The following SNTB1 variants were observed in gnomAD, a reference collection of about 807,000 sequenced individuals.
SNTB1 encodes the protein beta-1-syntrophin.
A neutral mutation model predicts 48.9 loss-of-function variants in SNTB1; 36 were observed. The ratio of observed to expected loss-of-function variants is 0.74; its 90% confidence interval spans 0.56 to 0.97. SNTB1 has a LOEUF of 0.97. Among genes scored for constraint, SNTB1 ranks in the 50% least tolerant of loss-of-function variants. The pLI is 0.00. For synonymous variants in SNTB1, 299 were observed against 294.6 expected, an observed-to-expected ratio of 1.01 and a Z score of -0.15; for missense variants, 786 against 703.4, an observed-to-expected ratio of 1.12 and a Z score of -1.33.
At position 120,700,795 on chromosome 8, in the gene SNTB1, T is replaced by C. The variant is rs116785442; in HGVS notation, c.572-6887A>G. Among the ~76,000 whole-genome samples, 1,217 of 152,344 alleles carry C rather than the reference T, an allele frequency of 8.0e-3. 16 individuals carry two copies. Among genetic ancestry groups the C allele is most frequent in the African/African-American group, 0.028 (1,178 of 41,564 alleles). The stretch of plus-strand genomic sequence containing the variant: ...AAAGAAAAAGCACACAGGCTACTAA[T>C]GAGGAAATGCTTTAGGCAAATCCAA... On this transcript the variant is annotated intron_variant, in intron 1 of 6. Coordinates refer to ENST00000517992, the MANE Select transcript of SNTB1 (RefSeq NM_021021.4).
At chr8:120,780,400 A>C (rs535040584) in intron 1 of SNTB1, among the ~76,000 whole-genome samples, 1 of 152,332 alleles carries the variant, frequency 6.6e-6, no homozygotes, top group African/African-American at 2.4e-5. Context: ...ATTCAACGTA[A>C]TCAGGACTTA....
intron 2 of SNTB1, among the ~76,000 whole-genome samples, chr8:120,671,194 A>G (rs1051369609): frequency 3.9e-5 from 6 of 151,972 alleles, no homozygotes; most frequent in Non-Finnish European, 7.4e-5. Context: ...CCATCTCCCT[A>G]TATAAGTCTT....
At chr8:120,684,653 GAAT>G (rs1190353098) in intron 2 of SNTB1, among the ~76,000 whole-genome samples, 1 of 149,674 alleles carries the variant, frequency 6.7e-6, no homozygotes, top group Non-Finnish European at 1.5e-5. Flanking sequence ...GGCAAAAATT[GAAT>G]TTTTTTTTTT....
chr8:120,638,620 T>C (rs538601199), intron 2 of SNTB1, among the ~76,000 whole-genome samples: 2 of 152,240 alleles, frequency 1.3e-5, no homozygotes, highest in African/African-American at 4.8e-5. Context: ...AGTGTTCTTA[T>C]TGTTCAATTC....
At chr8:120,734,948 A>G (rs1277087655) in intron 1 of SNTB1, among the ~76,000 whole-genome samples, 1 of 152,250 alleles carries the variant, frequency 6.6e-6, no homozygotes, top group Non-Finnish European at 1.5e-5. Flanking sequence ...TTTTCAAACC[A>G]GCCCATAAAA....
At chr8:120,606,446 C>T (rs747890057) in intron 3 of SNTB1, among the ~76,000 whole-genome samples, 11 of 151,092 alleles carry the variant, frequency 7.3e-5, no homozygotes, top group Non-Finnish European at 1.3e-4. Context: ...TATACACACA[C>T]TCCAAATCAT....
At chr8:120,708,831 A>G (rs772417765) in intron 1 of SNTB1, among the ~76,000 whole-genome samples, 82 of 152,312 alleles carry the variant, frequency 5.4e-4, no homozygotes, top group Middle Eastern at 3.4e-3. Flanking sequence ...AACTTCCTAA[A>G]GACTATCCAC....
intron 4 of SNTB1, among the ~76,000 whole-genome samples, chr8:120,550,592 TGA>T (rs1324369004): frequency 6.7e-6 from 1 of 150,028 alleles, no homozygotes; most frequent in Non-Finnish European, 1.5e-5. Flanking sequence ...TGAATCTCAT[TGA>T]GAGTAGAGTC....
chr8:120,714,226 A>C (rs1029715427), intron 1 of SNTB1, among the ~76,000 whole-genome samples: 1 of 152,152 alleles, frequency 6.6e-6, no homozygotes, highest in Non-Finnish European at 1.5e-5. Context: ...TTTGCCCACC[A>C]CAGAGACAGA....
intron 1 of SNTB1, among the ~76,000 whole-genome samples, chr8:120,736,323 G>A (rs1166054896): frequency 1.3e-5 from 2 of 152,170 alleles, no homozygotes; most frequent in East Asian, 3.9e-4. Flanking sequence ...GGTGAATCAT[G>A]GAAAATTGGA....
intron 1 of SNTB1, among the ~76,000 whole-genome samples, chr8:120,762,785 G>T (rs4130536): frequency 0.4 from 61,122 of 151,850 alleles, 15,713 homozygotes; most frequent in African/African-American, 0.74. Flanking sequence ...GTGTTTAGTA[G>T]ACAGTGTGCA....
intron 1 of SNTB1, among the ~76,000 whole-genome samples, chr8:120,780,084 T>TAAA (rs71571678): frequency 5.5e-4 from 74 of 135,338 alleles, no homozygotes; most frequent in African/African-American, 2.0e-3. Flanking sequence ...ATGATCTAGT[T>TAAA]AAAAAAAAAA....
chr8:120,597,378 G>A (rs2130714702), intron 3 of SNTB1, among the ~76,000 whole-genome samples: 1 of 152,318 alleles, frequency 6.6e-6, no homozygotes, highest in Non-Finnish European at 1.5e-5. Flanking sequence ...GCAGCTATAG[G>A]AAACTAGCAC....
At chr8:120,685,277 A>G (rs533411088) in intron 2 of SNTB1, among the ~76,000 whole-genome samples, 1 of 152,172 alleles carries the variant, frequency 6.6e-6, no homozygotes, top group South Asian at 2.1e-4. Context: ...ACATTGCCCT[A>G]GTGGGGGTTC....
chr8:120,615,302 A>G (rs1381605180), intron 3 of SNTB1, among the ~76,000 whole-genome samples: 2 of 152,186 alleles, frequency 1.3e-5, no homozygotes, highest in African/African-American at 4.8e-5. Flanking sequence ...GCCCATTAGT[A>G]TCAGAGCCAA....
Position 120,538,251 on chromosome 8 carries a change from C to T in SNTB1, c.*626G>A, listed in dbSNP as rs1815230427. On this transcript the variant is annotated 3_prime_UTR_variant, in exon 7 of 7. Coordinates refer to ENST00000517992, the MANE Select transcript of SNTB1 (RefSeq NM_021021.4). Reference sequence around the variant, plus strand: ...TATCTGATGCTTTATTTAATTCCTGCTCAGTATATGCTAATGGAGACACTT... The same window carrying T: ...TATCTGATGCTTTATTTAATTCCTGTTCAGTATATGCTAATGGAGACACTT... 4 of 173,730 alleles carry T rather than the reference C, an allele frequency of 2.3e-5. No homozygotes were observed. Among genetic ancestry groups the T allele is most frequent in the Admixed American group, 2.2e-4 (4 of 18,334 alleles). 10.8% of individuals were successfully genotyped at this position (173,730 alleles called of 1,614,324 possible).
chr8:120,639,101 G>C (rs1372230544), intron 2 of SNTB1, among the ~76,000 whole-genome samples: 1 of 152,166 alleles, frequency 6.6e-6, no homozygotes, highest in African/African-American at 2.4e-5. Flanking sequence ...GTGTGAGATG[G>C]TATCTCTTTG....
intron 3 of SNTB1, among the ~76,000 whole-genome samples, chr8:120,594,263 G>C (rs1816289173): frequency 6.6e-6 from 1 of 151,978 alleles, no homozygotes; most frequent in South Asian, 2.1e-4. Flanking sequence ...TTGAGACAGA[G>C]TTTCTCTCTT....
intron 1 of SNTB1, among the ~76,000 whole-genome samples, chr8:120,718,630 C>G (rs997223650): frequency 3.9e-5 from 6 of 152,126 alleles, no homozygotes; most frequent in Non-Finnish European, 7.3e-5. Flanking sequence ...GACCACACCC[C>G]CTTCCTCCTA....
Sources: allele counts gnomAD v4.1 joint callset (sites outside exome capture counted in the v4.1 genomes callset), GRCh38; gene constraint gnomAD v4.1.1; transcripts MANE v1.5; gene names NCBI Gene and HGNC (gene_info 2026-07-23, HGNC 2026-07-21).